Variants in HAS3 observed in about 807,000 individuals in gnomAD.
HAS3 encodes HA synthase 3.
A neutral mutation model predicts 50.3 loss-of-function variants in HAS3; 27 were observed. That is an observed-to-expected ratio of 0.54 (90% CI 0.40 to 0.74). The LOEUF is 0.74. Among genes scored for constraint, HAS3 ranks in the 30% least tolerant of loss-of-function variants. The pLI is 0.00. For synonymous variants in HAS3, 339 were observed against 310.9 expected (o/e 1.09, Z -0.95); for missense variants, 517 against 742.8 (o/e 0.70, Z 3.53).
upstream of HAS3, among the ~76,000 whole-genome samples, chr16:69,103,946 GCTT>G (rs1352822209): frequency 3.9e-5 from 6 of 152,196 alleles, no homozygotes; most frequent in African/African-American, 7.2e-5. Context: ...CCAACCTAAG[GCTT>G]CTTCTCCATC....
chr16:69,101,153 C>A (rs530697087), upstream of HAS3, among the ~76,000 whole-genome samples: 6 of 152,324 alleles, frequency 3.9e-5, no homozygotes, highest in African/African-American at 1.4e-4. Flanking sequence ...TTCCCCATAA[C>A]CTACTGGATA....
At chr16:69,104,381 C>T (rs1482529745), upstream of HAS3, among the ~76,000 whole-genome samples, 1 of 151,330 alleles carries the variant, frequency 6.6e-6, no homozygotes, top group Non-Finnish European at 1.5e-5. Flanking sequence ...ACTGCAACCT[C>T]TGTCTCCTGG....
rs139873991 is a variant in HAS3, at chr16:69,114,868, A to G, written c.1264A>G (p.Ile422Val). The change falls in exon 4 of 4, where the codon ATC becomes GTC. Residue 422 changes from isoleucine to valine, a missense_variant. Physicochemically the swap from Ile to Val is conservative, Grantham distance 29. Coordinates refer to ENST00000569188, the MANE Select transcript of HAS3 (RefSeq NM_001199280.2). The surrounding 1 kb of genome is among the most constrained non-coding windows in gnomAD (Gnocchi z 6.4). ...GCTGACGGTGCAGCTGGTGGGCATT[A>G]TCAAGGCCACCTACGCCTGCTTCCT... The part of the protein sequence containing the change: ...FLLTVQLVGI[I>V]KATYACFLRG... 3.7e-6 allele frequency: 6 copies of G among 1,613,964 alleles called. No individual in the cohort carries two copies. In the African/African-American group the frequency reaches 8.0e-5, roughly 22 times the overall value.
chr16:69,088,477 T>A, the HAS3 span, among the ~76,000 whole-genome samples: 1 of 150,860 alleles, frequency 6.6e-6, no homozygotes, highest in East Asian at 1.9e-4. Context: ...GGAGAATCAC[T>A]TAAACCCAGG....
At chr16:69,085,452 G>A in the HAS3 span, among the ~76,000 whole-genome samples, 1 of 152,020 alleles carries the variant, frequency 6.6e-6, no homozygotes, top group African/African-American at 2.4e-5. Flanking sequence ...TTTTTTTTGA[G>A]GTGGGGTCTC....
Position 69,115,545 on chromosome 16 carries a change from G to T in HAS3, c.*279G>T. 5 of 1,145,556 alleles carry T rather than the reference G, an allele frequency of 4.4e-6. No individual in the cohort carries two copies. Among genetic ancestry groups the T allele is most frequent in the Non-Finnish European group, 5.4e-6 (5 of 931,742 alleles). The allele number at this position is 1,145,556 out of a possible 1,614,324, so 71.0% of individuals were successfully genotyped here. A position where few individuals can be genotyped will look rare whatever the true frequency, so the allele number is the denominator to read the frequency against. On this transcript the variant is annotated 3_prime_UTR_variant, in exon 4 of 4. Coordinates refer to ENST00000569188, the MANE Select transcript of HAS3 (RefSeq NM_001199280.2). ...GCACATAGGCAGTAGCCTCCTCCTGGGCTCCAGAGGGCACTCAGAAGTTGT... is the reference window on the plus strand; with the variant it reads ...GCACATAGGCAGTAGCCTCCTCCTGTGCTCCAGAGGGCACTCAGAAGTTGT...
At chr16:69,097,285 G>C in the HAS3 span, among the ~76,000 whole-genome samples, 1 of 152,016 alleles carries the variant, frequency 6.6e-6, no homozygotes, top group East Asian at 1.9e-4. Flanking sequence ...GACCATCCTG[G>C]CCAAGATGGT....
chr16:69,110,370 C>CT (rs1017525244), intron 2 of HAS3, among the ~76,000 whole-genome samples: 1 of 152,136 alleles, frequency 6.6e-6, no homozygotes, highest in African/African-American at 2.4e-5. Flanking sequence ...AGAATGGCTC[C>CT]TGGGGAATAA....
chr16:69,107,273 G>A lies in HAS3; in HGVS notation c.-1+1486G>A, dbSNP rs553259923. The stretch of plus-strand genomic sequence containing the variant: ...TGGGGGCCTCTATTTGGGGGTGGGG[G>A]TAGTAACCTGGGTAATGCCTCTAAT... On this transcript the variant is annotated intron_variant, in intron 1 of 3. Transcript: ENST00000569188. The surrounding 1 kb of genome is among the most constrained non-coding windows in gnomAD (Gnocchi z 5.5). The A allele has an allele frequency of 2.5e-5, 23 of 936,768 alleles. No homozygotes were observed. The highest frequency in any genetic ancestry group is 1.2e-4 in the East Asian group (1 of 8,594). 58.0% of individuals were successfully genotyped at this position (936,768 alleles called of 1,614,324 possible).
Position 69,106,819 on chromosome 16 carries a change from G to C in HAS3, c.-1+1032G>C, listed in dbSNP as rs1260334804. The C allele has an allele frequency of 6.6e-6, 1 of 152,186 alleles. No individual in the cohort carries two copies. Among genetic ancestry groups the C allele is most frequent in the South Asian group, 2.1e-4 (1 of 4,836 alleles). The allele number at this position is 152,186 out of a possible 1,614,324, so 9.4% of individuals were successfully genotyped here. A position where few individuals can be genotyped will look rare whatever the true frequency, so the allele number is the denominator to read the frequency against. On this transcript the variant is annotated intron_variant, in intron 1 of 3. Transcript: ENST00000569188. This position sits in a 1 kb window ranked among gnomAD's most constrained non-coding sequence, Gnocchi z 5.5. ...CCGGCCTGGAGGGGCCCGGAGGGCG[G>C]CCGGGCACAAGAGGAGGAGCCCCGT... is the stretch of plus-strand genomic sequence containing the variant.
the HAS3 span, among the ~76,000 whole-genome samples, chr16:69,094,803 A>G: frequency 6.6e-6 from 1 of 152,040 alleles, no homozygotes; most frequent in East Asian, 1.9e-4. Context: ...AGTGAACAAA[A>G]CGGTTGTTGA....
rs1379114510 is a variant in HAS3 at position 69,114,638 on chromosome 16, C to T, written c.1034C>T (p.Thr345Ile). ...TCCAAGTGCCTCACAGAGACCCCCACTAAGTACCTCCGGTGGCTCAACCAG... is the reference window on the plus strand; with the variant it reads ...TCCAAGTGCCTCACAGAGACCCCCATTAAGTACCTCCGGTGGCTCAACCAG... ...ARSKCLTETP[T>I]KYLRWLNQQT... Residue 345 changes from threonine (T) to isoleucine (I), a missense_variant, in exon 4 of 4, where the codon ACT (threonine) becomes ATT (isoleucine). Physicochemically the swap from Thr to Ile is moderately conservative, Grantham distance 89. Transcript: ENST00000569188. The surrounding 1 kb of genome is among the most constrained non-coding windows in gnomAD (Gnocchi z 6.4). The T allele has an allele frequency of 6.2e-7, 1 of 1,614,126 alleles. No homozygotes were observed. Among genetic ancestry groups the T allele is most frequent in the Non-Finnish European group, 8.5e-7 (1 of 1,180,028 alleles).
upstream of HAS3, among the ~76,000 whole-genome samples, chr16:69,104,990 TGG>T (rs1379694353): frequency 1.5e-5 from 2 of 133,802 alleles, no homozygotes; most frequent in Admixed American, 8.0e-5. Context: ...CTCTGTTTTT[TGG>T]TTTTTTTTTT....
the HAS3 span, chr16:69,083,659 T>G: frequency 8.4e-6 from 13 of 1,556,092 alleles, no homozygotes; most frequent in Admixed American, 3.9e-5. Context: ...GGTCCTGCCG[T>G]AGACCTGGCT....
chr16:69,104,937 A>T (rs1162453374), upstream of HAS3, among the ~76,000 whole-genome samples: 2 of 150,668 alleles, frequency 1.3e-5, no homozygotes, highest in African/African-American at 4.9e-5. Flanking sequence ...GCTTGGGAAG[A>T]AGTGATAGAA....
chr16:69,099,277 G>A, the HAS3 span, among the ~76,000 whole-genome samples: 31 of 141,086 alleles, frequency 2.2e-4, no homozygotes, highest in African/African-American at 7.9e-4. Flanking sequence ...GGCCAAACCT[G>A]ATCTTAATGA....
the HAS3 span, among the ~76,000 whole-genome samples, chr16:69,096,631 T>C: frequency 6.8e-6 from 1 of 146,970 alleles, no homozygotes; most frequent in Non-Finnish European, 1.5e-5. Context: ...TTTTTTTTTT[T>C]TTTGGAGACG....
chr16:69,115,694 T>G lies in HAS3; in HGVS notation c.*428T>G, dbSNP rs756621906. The G allele has an allele frequency of 4.8e-4, 478 of 991,714 alleles. 2 individuals are homozygous for G. Among genetic ancestry groups the G allele is most frequent in the Non-Finnish European group, 2.1e-4 (174 of 834,482 alleles). The allele number at this position is 991,714 out of a possible 1,614,324, so 61.4% of individuals were successfully genotyped here. A position where few individuals can be genotyped will look rare whatever the true frequency, so the allele number is the denominator to read the frequency against. On this transcript the variant is annotated 3_prime_UTR_variant, in exon 4 of 4. Transcript: ENST00000569188. The stretch of plus-strand genomic sequence containing the variant: ...CCAGAGGTGGCAGGAGAATTTCTAC[T>G]GAGCGAGCTGGGCCGGTTAGTGTAT...
the HAS3 span, among the ~76,000 whole-genome samples, chr16:69,086,532 G>A: frequency 1.3e-5 from 2 of 151,016 alleles, no homozygotes; most frequent in Non-Finnish European, 1.5e-5. Flanking sequence ...ATGTGTGTGT[G>A]TGTGTGTGTG....
Sources: allele counts gnomAD v4.1 joint callset (sites outside exome capture counted in the v4.1 genomes callset), GRCh38; gene constraint gnomAD v4.1.1; non-coding constraint Gnocchi (gnomAD v3.1); transcripts MANE v1.5; gene names NCBI Gene and HGNC (gene_info 2026-07-23, HGNC 2026-07-21).